Variants in TMED6 observed in about 807,000 individuals in gnomAD.
TMED6 encodes the protein transmembrane emp24 domain-containing protein 6.
A neutral mutation model predicts 26.5 loss-of-function variants in TMED6; 17 were observed. That is an observed-to-expected ratio of 0.64 (90% CI 0.44 to 0.96). The LOEUF (loss-of-function observed/expected upper bound fraction) is 0.96, where lower values mean the gene tolerates loss of function less well. TMED6 is among the 40% of genes least tolerant of loss of function. TMED6 has a pLI of 0.00. For synonymous variants in TMED6, 107 were observed against 106.2 expected (o/e 1.01, Z -0.04); for missense variants, 309 against 296.5 (o/e 1.04, Z -0.31).
In TMED6 at chr16:69,350,542, C is replaced by T. The variant is rs572554923; in HGVS notation, c.214-891G>A. 7.2e-5 allele frequency among the ~76,000 whole-genome samples: 11 copies of T among 152,192 alleles called. No homozygotes were observed. The South Asian group carries it at 1.5e-3, about 20-fold the overall frequency. ...CTCGAACTCCTGACCTCAGGTGATC[C>T]GCCTGCCTCAGCCTCCCAAAGTGCT... On this transcript the variant is annotated intron_variant, in intron 1 of 3. Coordinates refer to ENST00000288025, the MANE Select transcript of TMED6 (RefSeq NM_144676.4).
In TMED6 at chr16:69,350,286, A is replaced by G. The variant is rs2012755787; in HGVS notation, c.214-635T>C. The stretch of plus-strand genomic sequence containing the variant: ...CACTCTGTCAAAAAAAAAAAAAAAA[A>G]AGTACGATTCTGGCTGTAGAATTTT... On this transcript the variant is annotated intron_variant, in intron 1 of 3. Coordinates refer to ENST00000288025, the MANE Select transcript of TMED6 (RefSeq NM_144676.4). 2.0e-5 allele frequency among the ~76,000 whole-genome samples: 3 copies of G among 151,300 alleles called. No individual in the cohort carries two copies. The South Asian group carries it at 6.3e-4, about 32-fold the overall frequency.
In TMED6 at chr16:69,351,619, G is replaced by A. The variant is rs749736091; in HGVS notation, c.135C>T (p.Ala45=). ...CCGTGCCTCCTGGAGGTATCATGAT[G>A]GCAAAGTCATATCGATCAGCTCCAC... is the stretch of plus-strand genomic sequence containing the variant. ...LFRGADRYDF[A]IMIPPGGTEC... is the part of the protein sequence containing the mutation. The change falls in exon 1 of 4, where the codon GCC becomes GCT. Residue 45 remains alanine, a synonymous_variant. Coordinates refer to ENST00000288025, the MANE Select transcript of TMED6 (RefSeq NM_144676.4). The A allele has an allele frequency of 2.5e-6, 4 of 1,614,122 alleles. No individual in the cohort carries two copies. The highest frequency in any genetic ancestry group is 2.2e-5 in the South Asian group (2 of 91,072).
At chr16:69,344,594 G>A (rs188644209) in intron 3 of TMED6, among the ~76,000 whole-genome samples, 178 of 151,902 alleles carry the variant, frequency 1.2e-3, no homozygotes, top group Admixed American at 3.6e-3. Context: ...CCAACATGGT[G>A]AAACACCGTC....
intron 1 of TMED6, among the ~76,000 whole-genome samples, chr16:69,350,824 T>C (rs1287612434): frequency 6.6e-6 from 1 of 152,202 alleles, no homozygotes; most frequent in Non-Finnish European, 1.5e-5. Flanking sequence ...TTATTTAAAA[T>C]AAATGTTGTT....
chr16:69,348,105 A>G, intron 2 of TMED6, 169 bp from the exon 3 acceptor site: 1 of 658,930 alleles, frequency 1.5e-6, no homozygotes, highest in East Asian at 2.8e-5. Context: ...CTTATGTTAA[A>G]CTTATACTAA....
At position 69,349,639 on chromosome 16, in the gene TMED6, C is replaced by A; in HGVS notation, c.226G>T (p.Val76Leu). Residue 76 changes from valine to leucine, a missense_variant, in exon 2 of 4, where the codon GTG becomes TTG. Val to Leu is a conservative substitution (Grantham distance 32, BLOSUM62 1). Transcript: ENST00000288025. ...ACATGCCGGTCATGTGACATCCCCA[C>A]TGTCCGCTGAACCTGCCAAGACACA... ...FYFSYEVQRT[V>L]GMSHDRHVAA... 6.2e-7 allele frequency: 1 copy of A among 1,613,736 alleles called. No homozygotes were observed. Among genetic ancestry groups the A allele is most frequent in the Non-Finnish European group, 8.5e-7 (1 of 1,179,740 alleles).
Position 69,347,860 on chromosome 16 carries a change from G to C in TMED6, c.417C>G (p.Phe139Leu). The change falls in exon 3 of 4, where the codon TTC (phenylalanine) becomes TTG (leucine). Residue 139 changes from phenylalanine (F) to leucine (L), a missense_variant. Phe to Leu is a conservative substitution (Grantham distance 22). Transcript: ENST00000288025. Reference protein sequence around the residue: ...SVQVYLNFGVFYEGPETDHKQ... With the variant: ...SVQVYLNFGVLYEGPETDHKQ... ...TGTGATCAGTCTCAGGCCCCTCATA[G>C]AAGACCCCAAAGTTGAGGTACACTT... 1 of 1,614,108 alleles carries C rather than the reference G, an allele frequency of 6.2e-7. No homozygotes were observed. The highest frequency in any genetic ancestry group is 8.5e-7 in the Non-Finnish European group (1 of 1,180,038).
In TMED6 at chr16:69,347,889, C is replaced by T. The variant is rs182456818; in HGVS notation, c.388G>A (p.Val130Met). Residue 130 changes from valine (V) to methionine (M), a missense_variant, in exon 3 of 4, where the codon GTG becomes ATG. Coordinates refer to ENST00000288025, the MANE Select transcript of TMED6 (RefSeq NM_144676.4). ...LSNQHNHFGS[V>M]QVYLNFGVFY... is the part of the protein sequence containing the mutation. ...ACCCCAAAGTTGAGGTACACTTGCA[C>T]AGAACCGAAGTGATTATGCTGATTA... 6.8e-6 allele frequency: 11 copies of T among 1,614,132 alleles called. No individual in the cohort carries two copies. In the African/African-American group the frequency reaches 1.5e-4, roughly 22 times the overall value.
At position 69,343,591 on chromosome 16, in the gene TMED6, T is replaced by C; in HGVS notation, c.539A>G (p.Tyr180Cys). The change falls in exon 4 of 4, where the codon TAC becomes TGC. Residue 180 changes from tyrosine (Y) to cysteine (C), a missense_variant. Coordinates refer to ENST00000288025, the MANE Select transcript of TMED6 (RefSeq NM_144676.4). Reference sequence around the variant, plus strand: ...CATTTTCCTCATCCGGGCAAAGTTGTAGTATCGCCACATGTGAAAGATATT... The same window carrying C: ...CATTTTCCTCATCCGGGCAAAGTTGCAGTATCGCCACATGTGAAAGATATT... ...QNNIFHMWRYYNFARMRKMAD... is the reference protein window; with the variant it reads ...QNNIFHMWRYCNFARMRKMAD... 2 of 1,614,204 alleles carry C rather than the reference T, an allele frequency of 1.2e-6. No individual in the cohort carries two copies. Among genetic ancestry groups the C allele is most frequent in the Non-Finnish European group, 8.5e-7 (1 of 1,180,032 alleles).
Position 69,347,328 on chromosome 16 carries a change from TG to T in TMED6, c.489+459del, listed in dbSNP as rs796251383. 5.3e-5 allele frequency among the ~76,000 whole-genome samples: 8 copies of T among 152,302 alleles called. 1 individual carries two copies. Among genetic ancestry groups the T allele is most frequent in the African/African-American group, 1.9e-4 (8 of 41,566 alleles). On this transcript the variant is annotated intron_variant, in intron 3 of 3. Transcript: ENST00000288025. ...CAGCCATACATAGTTTGCCAACCCT[TG>T]GTATAAAACGAAGATGGAATTTCAA...
intron 1 of TMED6, 53 bp from the exon 2 acceptor site, chr16:69,349,704 C>T (rs2012746138): frequency 6.3e-7 from 1 of 1,587,172 alleles, no homozygotes; most frequent in Non-Finnish European, 8.6e-7. Flanking sequence ...CACGAGGAAG[C>T]CAGCTGAGTG....
chr16:69,345,473 G>T (rs2012669021), intron 3 of TMED6, among the ~76,000 whole-genome samples: 1 of 151,930 alleles, frequency 6.6e-6, no homozygotes, highest in Non-Finnish European at 1.5e-5. Context: ...CACAAGGTCA[G>T]GAGTTCAAGA....
chr16:69,350,677 T>C (rs2142685032), intron 1 of TMED6, among the ~76,000 whole-genome samples: 1 of 152,250 alleles, frequency 6.6e-6, no homozygotes, highest in South Asian at 2.1e-4. Flanking sequence ...ATTTGCTGCT[T>C]GGCAGTGCAC....
intron 3 of TMED6, among the ~76,000 whole-genome samples, chr16:69,345,954 C>T (rs551454321): frequency 1.1e-4 from 17 of 152,276 alleles, no homozygotes; most frequent in Admixed American, 2.0e-4. Context: ...GCTGGGATTA[C>T]AGGTGTTGGG....
intron 3 of TMED6, 140 bp downstream of exon 3, chr16:69,347,648 C>A: frequency 7.9e-7 from 1 of 1,271,016 alleles, no homozygotes; most frequent in South Asian, 1.4e-5. Flanking sequence ...GCGTGAGCCA[C>A]CGTGCCCAGC....
At position 69,349,616 on chromosome 16, in the gene TMED6, A is replaced by G. The variant is rs772816898; in HGVS notation, c.249T>C (p.His83=). ...QRTVGMSHDR[H]VAATAHNPQG... ...GTGGGTTATGTGCCGTGGCAGCAAC[A>G]TGCCGGTCATGTGACATCCCCACTG... The change falls in exon 2 of 4, where the codon CAT becomes CAC. Residue 83 remains histidine (H), a synonymous_variant. Coordinates refer to ENST00000288025, the MANE Select transcript of TMED6 (RefSeq NM_144676.4). The G allele has an allele frequency of 5.0e-6, 8 of 1,613,908 alleles. No homozygotes were observed. The highest frequency in any genetic ancestry group is 6.8e-6 in the Non-Finnish European group (8 of 1,179,898).
chr16:69,350,027 T>G (rs1034188802), intron 1 of TMED6, among the ~76,000 whole-genome samples: 1 of 151,952 alleles, frequency 6.6e-6, no homozygotes, highest in Non-Finnish European at 1.5e-5. Flanking sequence ...ATCCCAGCAC[T>G]TTGGGAGGCC....
At chr16:69,344,698 G>A (rs1460128838) in intron 3 of TMED6, among the ~76,000 whole-genome samples, 3 of 151,064 alleles carry the variant, frequency 2.0e-5, no homozygotes, top group African/African-American at 4.9e-5. Flanking sequence ...GCTTGAGCCC[G>A]GGAGGCAGAG....
In TMED6 at chr16:69,347,843, G is replaced by A. The variant is rs374388333; in HGVS notation, c.434C>T (p.Thr145Ile). Residue 145 changes from threonine to isoleucine, a missense_variant, in exon 3 of 4, where the codon ACT becomes ATT. Thr to Ile is a moderately conservative substitution (Grantham distance 89). Coordinates refer to ENST00000288025, the MANE Select transcript of TMED6 (RefSeq NM_144676.4). ...TTTTCTTTCCTTCTGTTTGTGATCA[G>A]TCTCAGGCCCCTCATAGAAGACCCC... ...NFGVFYEGPE[T>I]DHKQKERKQL... The A allele has an allele frequency of 1.5e-4, 241 of 1,614,078 alleles. 2 individuals are homozygous for A. The South Asian group carries it at 2.5e-3, about 17-fold the overall frequency.
Sources: gnomAD v4.1 joint callset for allele counts (sites outside exome capture counted in the v4.1 genomes callset) on GRCh38, gnomAD v4.1.1 for gene constraint, MANE v1.5 for transcripts, NCBI Gene and HGNC (gene_info 2026-07-23, HGNC 2026-07-21) for gene names.